GPATCH2: variants seen among roughly 807,000 people sequenced by gnomAD.
GPATCH2 encodes G-patch domain containing 2, also known as G patch domain-containing protein 2.
GPATCH2 carries 51 observed loss-of-function variants against 58.0 expected under a neutral mutation model. The observed-to-expected ratio is 0.88, with a 90% CI of 0.70 to 1.11. The LOEUF (loss-of-function observed/expected upper bound fraction) is 1.11, where lower values mean the gene tolerates loss of function less well. Ranked by LOEUF, GPATCH2 falls within the 50% of genes most tolerant of loss-of-function variation. The probability of loss-of-function intolerance (pLI) is 0.00; values close to 1 mark genes in which losing one functional copy is unlikely to be tolerated. For missense variants in GPATCH2, 625 were observed against 652.2 expected (o/e 0.96, Z 0.45); for synonymous variants, 222 against 218.5 (o/e 1.02, Z -0.14).
intron 9 of GPATCH2, among the ~76,000 whole-genome samples, chr1:217,432,736 G>T (rs1311974718): frequency 6.6e-6 from 1 of 151,968 alleles, no homozygotes; most frequent in Non-Finnish European, 1.5e-5. Flanking sequence ...AACTAATATT[G>T]CAGTCTTTGA....
intron 5 of GPATCH2, among the ~76,000 whole-genome samples, chr1:217,562,545 C>T (rs949510337): frequency 3.3e-5 from 5 of 152,056 alleles, no homozygotes; most frequent in African/African-American, 1.2e-4. Context: ...TTAACAAAGA[C>T]GAGGGCAACA....
At chr1:217,493,150 A>G (rs1036320811) in intron 7 of GPATCH2, among the ~76,000 whole-genome samples, 3 of 152,094 alleles carry the variant, frequency 2.0e-5, no homozygotes, top group Non-Finnish European at 2.9e-5. Flanking sequence ...AAGTCTCCCA[A>G]ATGATCTCCC....
At chr1:217,522,061 C>T (rs553224134) in intron 5 of GPATCH2, among the ~76,000 whole-genome samples, 39 of 152,248 alleles carry the variant, frequency 2.6e-4, no homozygotes, top group Non-Finnish European at 5.4e-4. Flanking sequence ...TATATACATA[C>T]ACATATAGTT....
At chr1:217,473,280 A>AGT (rs71166009) in intron 8 of GPATCH2, among the ~76,000 whole-genome samples, 7,976 of 142,212 alleles carry the variant, frequency 0.056, 249 homozygotes, top group South Asian at 0.1. Context: ...GGTTTAGTTC[A>AGT]GTGTGTGTGT....
intron 2 of GPATCH2, among the ~76,000 whole-genome samples, chr1:217,614,929 G>T (rs1668814599): frequency 6.6e-6 from 1 of 151,916 alleles, no homozygotes; most frequent in African/African-American, 2.4e-5. Flanking sequence ...TAGAAGTAAT[G>T]CTTATATGAC....
chr1:217,466,853 T>C (rs1660476598), intron 8 of GPATCH2, among the ~76,000 whole-genome samples: 1 of 150,620 alleles, frequency 6.6e-6, no homozygotes, highest in South Asian at 2.1e-4. Context: ...TTGCTTCTCT[T>C]AAAAACAGGG....
chr1:217,442,624 A>G (rs1659197356), intron 9 of GPATCH2, among the ~76,000 whole-genome samples: 1 of 139,716 alleles, frequency 7.2e-6, no homozygotes, highest in African/African-American at 3.1e-5. Flanking sequence ...CAAGCATAGC[A>G]AATCTGAGTA....
chr1:217,628,841 T>C (rs1169598162), intron 1 of GPATCH2, among the ~76,000 whole-genome samples: 1 of 152,036 alleles, frequency 6.6e-6, no homozygotes, highest in Non-Finnish European at 1.5e-5. Context: ...GTTAACAAAT[T>C]TGGGCATCTA....
At chr1:217,532,733 TGAAGG>T (rs1299924401) in intron 5 of GPATCH2, among the ~76,000 whole-genome samples, 2 of 151,994 alleles carry the variant, frequency 1.3e-5, no homozygotes, top group Non-Finnish European at 1.5e-5. Context: ...ATAGCATATA[TGAAGG>T]CCTGGAAACA....
At chr1:217,463,618 A>G (rs915456934) in intron 8 of GPATCH2, among the ~76,000 whole-genome samples, 1 of 141,018 alleles carries the variant, frequency 7.1e-6, no homozygotes. Flanking sequence ...CAGCCTGGGC[A>G]ACATAGCAAG....
At position 217,610,909 on chromosome 1, in the gene GPATCH2, A is replaced by T. The variant is rs775701176; in HGVS notation, c.998T>A (p.Met333Lys). ...CTGACCTCTTCTGCTTGGGTGTGAC[A>T]TAAGGGGAAAAGAACCAGTTAAGAT... ...ESILTGSFPLMSHPSRRGFQA... is the reference protein window; with the variant it reads ...ESILTGSFPLKSHPSRRGFQA... The change falls in exon 4 of 10, where the codon ATG (methionine) becomes AAG (lysine). Residue 333 changes from methionine to lysine, a missense_variant. Transcript: ENST00000366935. 1.2e-6 allele frequency: 2 copies of T among 1,612,854 alleles called. No individual in the cohort carries two copies. Among genetic ancestry groups the T allele is most frequent in the Admixed American group, 3.3e-5 (2 of 59,934 alleles).
intron 5 of GPATCH2, among the ~76,000 whole-genome samples, chr1:217,517,235 A>G (rs189236715): frequency 6.6e-6 from 1 of 152,280 alleles, no homozygotes; most frequent in East Asian, 1.9e-4. Flanking sequence ...AGAGGTGACT[A>G]TCCTTTATTG....
At chr1:217,568,085 C>G (rs920379970) in intron 5 of GPATCH2, among the ~76,000 whole-genome samples, 1 of 152,144 alleles carries the variant, frequency 6.6e-6, no homozygotes, top group Admixed American at 6.5e-5. Context: ...CCACTGCACT[C>G]CAGCCTGGGC....
intron 8 of GPATCH2, among the ~76,000 whole-genome samples, chr1:217,478,914 A>G (rs552416939): frequency 6.6e-6 from 1 of 152,260 alleles, no homozygotes; most frequent in East Asian, 1.9e-4. Flanking sequence ...ATGGAGCTCC[A>G]ATACATGTGG....
intron 8 of GPATCH2, among the ~76,000 whole-genome samples, chr1:217,453,781 C>T (rs770902038): frequency 5.9e-5 from 9 of 152,084 alleles, no homozygotes; most frequent in Non-Finnish European, 1.0e-4. Flanking sequence ...CAGTGTCAGA[C>T]GCAATAATAG....
chr1:217,448,581 C>G (rs921747696), intron 9 of GPATCH2, among the ~76,000 whole-genome samples: 2 of 152,192 alleles, frequency 1.3e-5, no homozygotes, highest in African/African-American at 2.4e-5. Flanking sequence ...CAAGGCGAGT[C>G]TTTGCCCTTT....
chr1:217,492,317 A>G (rs573798440), intron 7 of GPATCH2, among the ~76,000 whole-genome samples: 1 of 152,308 alleles, frequency 6.6e-6, no homozygotes, highest in South Asian at 2.1e-4. Flanking sequence ...ATAATTAGAA[A>G]AAAACATATT....
intron 8 of GPATCH2, among the ~76,000 whole-genome samples, chr1:217,454,543 C>T (rs570081102): frequency 0.014 from 1,856 of 136,348 alleles, 20 homozygotes; most frequent in Non-Finnish European, 0.02. Flanking sequence ...GAGTCGAGAT[C>T]GCGCCACTGC....
At chr1:217,565,814 T>C (rs1017294378) in intron 5 of GPATCH2, among the ~76,000 whole-genome samples, 1 of 152,014 alleles carries the variant, frequency 6.6e-6, no homozygotes, top group South Asian at 2.1e-4. Flanking sequence ...GTAAGAGAGA[T>C]CTCTAGGCCA....
Sources: gnomAD v4.1 joint callset for allele counts (sites outside exome capture counted in the v4.1 genomes callset) on GRCh38, gnomAD v4.1.1 for gene constraint, MANE v1.5 for transcripts, NCBI Gene and HGNC (gene_info 2026-07-23, HGNC 2026-07-21) for gene names.